SYNPO2: variants seen among roughly 807,000 people sequenced by gnomAD.
SYNPO2 encodes the protein synaptopodin 2.
SYNPO2 carries 56 observed loss-of-function variants against 85.0 expected under a neutral mutation model. The observed-to-expected ratio is 0.66, with a 90% confidence interval of 0.53 to 0.82. SYNPO2 has a LOEUF of 0.82. Ranked by LOEUF, SYNPO2 falls within the 40% of genes least tolerant of loss-of-function variation. The pLI, the probability that SYNPO2 is intolerant of heterozygous loss-of-function variation, is 0.00. For missense variants in SYNPO2, 1,575 were observed against 1,534.2 expected, an observed-to-expected ratio of 1.03 and a Z score of -0.44; for synonymous variants, 602 against 591.1, an observed-to-expected ratio of 1.02 and a Z score of -0.27.
intron 1 of SYNPO2, among the ~76,000 whole-genome samples, chr4:118,952,070 G>C (rs1040529327): frequency 6.6e-6 from 1 of 152,166 alleles, no homozygotes; most frequent in African/African-American, 2.4e-5. Context: ...ATTATCCTCT[G>C]TCTTGAAGAG....
chr4:118,876,697 CT>C (rs1258903409), intron 1 of SYNPO2, among the ~76,000 whole-genome samples: 2 of 105,290 alleles, frequency 1.9e-5, no homozygotes, highest in East Asian at 6.8e-4. Flanking sequence ...TTCTTTCTTT[CT>C]TTCTTTCTTT....
intron 1 of SYNPO2, among the ~76,000 whole-genome samples, chr4:118,874,431 G>T (rs1410667603): frequency 6.6e-6 from 1 of 152,058 alleles, no homozygotes; most frequent in Non-Finnish European, 1.5e-5. Context: ...CTGTTAAAAG[G>T]CAAAATTCTC....
intron 1 of SYNPO2, among the ~76,000 whole-genome samples, chr4:118,989,967 G>A (rs71610235): frequency 0.18 from 27,586 of 152,184 alleles, 2,930 homozygotes; most frequent in South Asian, 0.27. Flanking sequence ...TGAATACAGA[G>A]ATGAATATAC....
At chr4:118,923,966 T>C (rs1217436416) in intron 1 of SYNPO2, among the ~76,000 whole-genome samples, 3 of 152,120 alleles carry the variant, frequency 2.0e-5, no homozygotes, top group Non-Finnish European at 4.4e-5. Context: ...TTATTCTAAG[T>C]TTCAATTAAT....
At chr4:118,967,612 G>C (rs923347010) in intron 1 of SYNPO2, among the ~76,000 whole-genome samples, 2 of 152,232 alleles carry the variant, frequency 1.3e-5, no homozygotes, top group African/African-American at 4.8e-5. Context: ...GTAATTTCCA[G>C]AGAACCATTT....
intron 4 of SYNPO2, chr4:119,035,071 AT>A: frequency 1.0e-6 from 1 of 985,428 alleles, no homozygotes; most frequent in Non-Finnish European, 1.2e-6. Context: ...ACGAGTTCCT[AT>A]GTTATGTTAG....
chr4:118,922,089 TATAAATGGTTAA>T (rs543280212), intron 1 of SYNPO2, among the ~76,000 whole-genome samples: 25 of 152,296 alleles, frequency 1.6e-4, no homozygotes, highest in African/African-American at 5.8e-4. Context: ...AGCATGGGCT[TATAAATGGTTAA>T]ATAAATGAGG....
upstream of SYNPO2, among the ~76,000 whole-genome samples, chr4:118,888,179 C>A (rs1732241836): frequency 6.6e-6 from 1 of 152,126 alleles, no homozygotes; most frequent in Non-Finnish European, 1.5e-5. Context: ...GAAAACAAAA[C>A]ACGTTAAAAT....
chr4:118,960,213 A>G (rs558267392), intron 1 of SYNPO2, among the ~76,000 whole-genome samples: 46 of 152,298 alleles, frequency 3.0e-4, no homozygotes, highest in African/African-American at 1.0e-3. Context: ...GAATGAAAAA[A>G]TGTTCTGTGG....
intron 1 of SYNPO2, among the ~76,000 whole-genome samples, chr4:118,853,945 A>T (rs1731465279): frequency 6.6e-6 from 1 of 152,164 alleles, no homozygotes; most frequent in Non-Finnish European, 1.5e-5. Context: ...CCATTTTGTG[A>T]CTATCCTATG....
At chr4:118,862,932 T>C (rs1731635923) in intron 1 of SYNPO2, among the ~76,000 whole-genome samples, 1 of 152,132 alleles carries the variant, frequency 6.6e-6, no homozygotes, top group African/African-American at 2.4e-5. Context: ...TGCCTCAGCC[T>C]CCCGAGTAGC....
intron 1 of SYNPO2, among the ~76,000 whole-genome samples, chr4:118,898,435 A>G (rs1321107027): frequency 1.3e-5 from 2 of 152,154 alleles, no homozygotes; most frequent in African/African-American, 2.4e-5. Context: ...ATTTTTCTAA[A>G]TCACCTGTTA....
intron 1 of SYNPO2, among the ~76,000 whole-genome samples, chr4:119,018,964 G>C (rs926841341): frequency 6.6e-6 from 1 of 152,038 alleles, no homozygotes; most frequent in Admixed American, 6.6e-5. Context: ...AAAAGTTTTT[G>C]AAGTTGGTAA....
chr4:118,921,746 C>A (rs1733544952), intron 1 of SYNPO2, among the ~76,000 whole-genome samples: 1 of 151,794 alleles, frequency 6.6e-6, no homozygotes, highest in Non-Finnish European at 1.5e-5. Context: ...TAAATTCCTA[C>A]AACATCAAAT....
intron 1 of SYNPO2, among the ~76,000 whole-genome samples, chr4:118,969,526 G>A (rs1560924739): frequency 6.6e-6 from 1 of 152,142 alleles, no homozygotes; most frequent in Non-Finnish European, 1.5e-5. Context: ...TATCCCATTG[G>A]AGAAGGCCAA....
chr4:118,920,773 CA>C (rs944078857), intron 1 of SYNPO2, among the ~76,000 whole-genome samples: 6 of 151,908 alleles, frequency 3.9e-5, no homozygotes, highest in African/African-American at 1.2e-4. Context: ...CATATGAAAC[CA>C]TTTTTTTTTG....
At chr4:118,890,029 T>A (rs1578521714) in intron 1 of SYNPO2, among the ~76,000 whole-genome samples, 1 of 152,218 alleles carries the variant, frequency 6.6e-6, no homozygotes, top group East Asian at 1.9e-4. Flanking sequence ...TGGGATTAAT[T>A]TCCTATTTTA....
At chr4:119,048,819 T>C (rs1341941321) in intron 4 of SYNPO2, among the ~76,000 whole-genome samples, 1 of 152,202 alleles carries the variant, frequency 6.6e-6, no homozygotes, top group Admixed American at 6.5e-5. Context: ...AAGGAGCTAG[T>C]TGGCAGATTT....
intron 1 of SYNPO2, among the ~76,000 whole-genome samples, chr4:118,877,880 G>A (rs138069657): frequency 1.4e-4 from 22 of 152,184 alleles, no homozygotes; most frequent in Non-Finnish European, 2.2e-4. Context: ...AATATAAATT[G>A]TTCTACCATA....
Sources: gnomAD v4.1 joint callset for allele counts (sites outside exome capture counted in the v4.1 genomes callset) on GRCh38, gnomAD v4.1.1 for gene constraint, MANE v1.5 for transcripts, NCBI Gene and HGNC (gene_info 2026-07-23, HGNC 2026-07-21) for gene names.